Variants in ATP8B1 observed in about 807,000 individuals in gnomAD.
ATP8B1 encodes the protein phospholipid-transporting ATPase IC.
Under a neutral mutation model 149.9 loss-of-function variants are expected in ATP8B1, and 80 were observed. The ratio of observed to expected loss-of-function variants is 0.53; its 90% CI spans 0.45 to 0.64. The LOEUF (loss-of-function observed/expected upper bound fraction) is 0.64, where lower values mean the gene tolerates loss of function less well. Ranked by LOEUF, ATP8B1 falls within the 30% of genes least tolerant of loss-of-function variation. The pLI, the probability that ATP8B1 is intolerant of heterozygous loss-of-function variation, is 0.00. For synonymous variants in ATP8B1, 536 were observed against 562.8 expected, an observed-to-expected ratio of 0.95 and a Z score of 0.67; for missense variants, 1,247 against 1,552.6, an observed-to-expected ratio of 0.80 and a Z score of 3.31.
Position 57,712,048 on chromosome 18 carries a change from C to CATATATATATATATATATATATAT in ATP8B1, c.182-5462_182-5461insATATATATATATATATATATATAT, listed in dbSNP as rs10622264. ...TGATTCCTCTCCTTCCCTCTATTGGCATATATATATATATATATATGGCGA... is the reference window on the plus strand; with the variant it reads ...TGATTCCTCTCCTTCCCTCTATTGGCATATATATATATATATATATATATATATATATATATATATATATGGCGA... On this transcript the variant is annotated intron_variant, in intron 2 of 27. Coordinates refer to ENST00000648908, the MANE Select transcript of ATP8B1 (RefSeq NM_001374385.1). Among the ~76,000 whole-genome samples the CATATATATATATATATATATATAT allele has an allele frequency of 6.9e-5, 10 of 144,330 alleles. 1 individual carries two copies. Among genetic ancestry groups the CATATATATATATATATATATATAT allele is most frequent in the African/African-American group, 2.7e-4 (10 of 37,358 alleles). The allele number at this position is 144,330 out of a possible 152,430, so 94.7% of individuals were successfully genotyped here. A position where few individuals can be genotyped will look rare whatever the true frequency, so the allele number is the denominator to read the frequency against.
At chr18:57,700,937 G>A in intron 6 of ATP8B1, 102 bp downstream of exon 6, 1 of 1,247,020 alleles carries the variant, frequency 8.0e-7, no homozygotes, top group Non-Finnish European at 1.2e-6. Flanking sequence ...AACAGTTAAT[G>A]TACTAATAGC....
At chr18:57,754,716 G>A (rs564018830) in intron 1 of ATP8B1, among the ~76,000 whole-genome samples, 76 of 152,228 alleles carry the variant, frequency 5.0e-4, no homozygotes, top group African/African-American at 1.3e-3. Flanking sequence ...TACAGCCCAC[G>A]CCGGGGCTCA....
At chr18:57,752,771 T>C (rs2080035156) in intron 1 of ATP8B1, among the ~76,000 whole-genome samples, 1 of 152,198 alleles carries the variant, frequency 6.6e-6, no homozygotes. Context: ...CATACTTATC[T>C]CTAAAACATC....
intron 16 of ATP8B1, 37 bp downstream of exon 16, chr18:57,674,797 A>G: frequency 6.2e-7 from 1 of 1,607,428 alleles, no homozygotes; most frequent in Non-Finnish European, 8.5e-7. Flanking sequence ...CAACATCTAA[A>G]TGAGCGATTC....
At chr18:57,774,335 T>C (rs1374105395) in intron 1 of ATP8B1, among the ~76,000 whole-genome samples, 1 of 152,236 alleles carries the variant, frequency 6.6e-6, no homozygotes, top group Non-Finnish European at 1.5e-5. Context: ...CAGTGGCTCA[T>C]GCCTATAATC....
At position 57,648,327 on chromosome 18, in the gene ATP8B1, A is replaced by G; in HGVS notation, c.*161T>C. ...AAAAGTCCTATTTCTTGGCTCTGCT[A>G]TTGTTTAATAGTCCAACCCAAGGAG... On this transcript the variant is annotated 3_prime_UTR_variant, in exon 28 of 28. Transcript: ENST00000648908. 1 of 884,584 alleles carries G rather than the reference A, an allele frequency of 1.1e-6. No homozygotes were observed. Among genetic ancestry groups the G allele is most frequent in the Non-Finnish European group, 1.8e-6 (1 of 556,400 alleles). The allele number at this position is 884,584 out of a possible 1,614,324, so 54.8% of individuals were successfully genotyped here. A position where few individuals can be genotyped will look rare whatever the true frequency, so the allele number is the denominator to read the frequency against.
chr18:57,679,041 A>G (rs1479905523), intron 15 of ATP8B1, among the ~76,000 whole-genome samples: 3 of 145,560 alleles, frequency 2.1e-5, no homozygotes, highest in Non-Finnish European at 3.0e-5. Context: ...CGTCCTGGCT[A>G]ACATGGTGAA....
At chr18:57,788,074 A>G (rs2080427285) in intron 1 of ATP8B1, among the ~76,000 whole-genome samples, 1 of 152,070 alleles carries the variant, frequency 6.6e-6, no homozygotes. Context: ...AATAAAACCT[A>G]TTGTCTATCC....
chr18:57,740,469 A>C (rs2079901515), intron 1 of ATP8B1: 1 of 150,722 alleles, frequency 6.6e-6, no homozygotes, highest in Admixed American at 6.6e-5. Context: ...ATAAATTACT[A>C]CTCTAAGATG....
At position 57,684,036 on chromosome 18, in the gene ATP8B1, C is replaced by T; in HGVS notation, c.1630G>A (p.Gly544Ser). The T allele has an allele frequency of 2.5e-6, 4 of 1,614,104 alleles. No individual in the cohort carries two copies. Among genetic ancestry groups the T allele is most frequent in the African/African-American group, 1.3e-5 (1 of 75,024 alleles). Reference sequence around the variant, plus strand: ...CCTGAGATGCCAGAGAAACACTCACCATCAGTCCTATCCACCATGACTGTG... The same window carrying T: ...CCTGAGATGCCAGAGAAACACTCACTATCAGTCCTATCCACCATGACTGTG... Reference protein sequence around the residue: ...CHTVMVDRTDGQLNYQAASPD... With the variant: ...CHTVMVDRTDSQLNYQAASPD... Residue 544 changes from glycine to serine, a missense_variant and splice_region_variant, in exon 15 of 28, where the codon GGT becomes AGT. Gly to Ser is a moderately conservative substitution (Grantham distance 56). Transcript: ENST00000648908.
rs187341371 is a variant in ATP8B1, at chr18:57,712,331, G to A, written c.182-5744C>T. ...TGTGGCATGGAGAGAAAATCTGTACGCTTGGGAGAGGGACAGTGCAGCGAT... is the reference window on the plus strand; with the variant it reads ...TGTGGCATGGAGAGAAAATCTGTACACTTGGGAGAGGGACAGTGCAGCGAT... On this transcript the variant is annotated intron_variant, in intron 2 of 27. Coordinates refer to ENST00000648908, the MANE Select transcript of ATP8B1 (RefSeq NM_001374385.1). Among the ~76,000 whole-genome samples, 9 of 152,180 alleles carry A rather than the reference G, an allele frequency of 5.9e-5. No homozygotes were observed. The East Asian group carries it at 1.4e-3, about 23-fold the overall frequency.
chr18:57,731,900 A>G (rs2079769665), intron 1 of ATP8B1, 68 bp from the exon 2 acceptor site: 5 of 1,360,194 alleles, frequency 3.7e-6, no homozygotes, highest in Non-Finnish European at 5.3e-6. Flanking sequence ...TACTGCCTGC[A>G]TGCTGCTACA....
At chr18:57,685,217 C>A (rs757244537) in intron 13 of ATP8B1, 102 bp from the exon 14 acceptor site, 1 of 1,274,252 alleles carries the variant, frequency 7.8e-7, no homozygotes, top group Non-Finnish European at 1.1e-6. Context: ...AGACCATATA[C>A]GGCCTGGACA....
chr18:57,648,845 TC>T, intron 27 of ATP8B1, 133 bp from the exon 28 acceptor site: 1 of 794,428 alleles, frequency 1.3e-6, no homozygotes, highest in Non-Finnish European at 2.0e-6. Flanking sequence ...GGCAGTTCTG[TC>T]CCCACTTGTG....
At chr18:57,767,583 T>TTCGAGACCAGCCTCGCTAACA (rs2080223562) in intron 1 of ATP8B1, among the ~76,000 whole-genome samples, 1 of 151,876 alleles carries the variant, frequency 6.6e-6, no homozygotes, top group Non-Finnish European at 1.5e-5. Context: ...AGGTCAGGAG[T>TTCGAGACCAGCCTCGCTAACA]TCGAGACCAG....
At chr18:57,689,566 C>G (rs1912426965) in intron 12 of ATP8B1, among the ~76,000 whole-genome samples, 1 of 152,160 alleles carries the variant, frequency 6.6e-6, no homozygotes, top group Non-Finnish European at 1.5e-5. Flanking sequence ...TAAGTATTTC[C>G]TAAGTGCCTA....
chr18:57,719,819 G>A (rs922717098), intron 2 of ATP8B1, among the ~76,000 whole-genome samples: 7 of 152,192 alleles, frequency 4.6e-5, no homozygotes, highest in Non-Finnish European at 8.8e-5. Context: ...ACAGACAGCA[G>A]TAACCTCTGC....
intron 2 of ATP8B1, among the ~76,000 whole-genome samples, chr18:57,727,766 G>A (rs1039195536): frequency 6.6e-6 from 1 of 152,154 alleles, no homozygotes; most frequent in Non-Finnish European, 1.5e-5. Context: ...CAGTCTGGGC[G>A]ACAGAGAGAG....
At chr18:57,724,483 A>C (rs1354655087) in intron 2 of ATP8B1, among the ~76,000 whole-genome samples, 1 of 152,144 alleles carries the variant, frequency 6.6e-6, no homozygotes, top group Admixed American at 6.5e-5. Context: ...TTATGCAGCC[A>C]AAAAACACAT....
Sources: gnomAD v4.1 joint callset for allele counts (sites outside exome capture counted in the v4.1 genomes callset) on GRCh38, gnomAD v4.1.1 for gene constraint, MANE v1.5 for transcripts, NCBI Gene and HGNC (gene_info 2026-07-23, HGNC 2026-07-21) for gene names.